TRPM3: variants seen among roughly 807,000 people sequenced by gnomAD.
TRPM3 encodes transient receptor potential cation channel subfamily M member 3, also known as long transient receptor potential channel 3.
A neutral mutation model predicts 181.2 loss-of-function variants in TRPM3; 77 were observed. The ratio of observed to expected loss-of-function variants is 0.42; its 90% confidence interval spans 0.35 to 0.51. The LOEUF (loss-of-function observed/expected upper bound fraction) is 0.51, where lower values mean the gene tolerates loss of function less well. Among genes scored for constraint, TRPM3 ranks in the 20% least tolerant of loss-of-function variants. The pLI, the probability that TRPM3 is intolerant of heterozygous loss-of-function variation, is 0.01. For synonymous variants in TRPM3, 745 were observed against 796.4 expected (o/e 0.94, Z 1.09); for missense variants, 1,759 against 2,196.7 (o/e 0.80, Z 3.98).
intron 9 of TRPM3, among the ~76,000 whole-genome samples, chr9:70,658,163 G>C (rs2060628972): frequency 6.6e-6 from 1 of 152,092 alleles, no homozygotes; most frequent in African/African-American, 2.4e-5. Context: ...TGTTTTATTA[G>C]GGCTTATTGT....
chr9:71,243,232 G>C (rs10868995), intron 1 of TRPM3, among the ~76,000 whole-genome samples: 46,608 of 152,050 alleles, frequency 0.31, 8,107 homozygotes, highest in African/African-American at 0.46. Context: ...AGTAAAGATT[G>C]GGTTTCACCA....
At chr9:70,561,044 C>T (rs1311018548) in intron 22 of TRPM3, among the ~76,000 whole-genome samples, 1 of 152,160 alleles carries the variant, frequency 6.6e-6, no homozygotes, top group African/African-American at 2.4e-5. Flanking sequence ...AAGGATATTT[C>T]TTGAAGAATG....
chr9:71,271,530 A>G (rs983495559), intron 1 of TRPM3, among the ~76,000 whole-genome samples: 1 of 152,000 alleles, frequency 6.6e-6, no homozygotes, highest in African/African-American at 2.4e-5. Context: ...GTGGTGGCTC[A>G]TCGGCCTCAG....
At chr9:70,800,819 A>C (rs1005482006) in intron 6 of TRPM3, among the ~76,000 whole-genome samples, 2 of 151,076 alleles carry the variant, frequency 1.3e-5, no homozygotes, top group Non-Finnish European at 3.0e-5. Context: ...TTTTTTTTTG[A>C]GAAGTCGAAA....
chr9:71,176,859 G>T (rs1158406774), intron 1 of TRPM3, among the ~76,000 whole-genome samples: 1 of 152,104 alleles, frequency 6.6e-6, no homozygotes, highest in Non-Finnish European at 1.5e-5. Context: ...ACCCAGTACT[G>T]TAACATGCTA....
At chr9:70,933,568 T>C (rs1330444367) in intron 1 of TRPM3, among the ~76,000 whole-genome samples, 1 of 151,922 alleles carries the variant, frequency 6.6e-6, no homozygotes, top group Non-Finnish European at 1.5e-5. Flanking sequence ...TGAAACCAGA[T>C]TGGAATGAGT....
intron 1 of TRPM3, among the ~76,000 whole-genome samples, chr9:70,954,695 CT>C (rs1352563995): frequency 6.6e-6 from 1 of 152,098 alleles, no homozygotes; most frequent in African/African-American, 2.4e-5. Context: ...TGGCTTATAA[CT>C]TTAGTCTTTT....
chr9:70,887,907 C>A (rs1046038645), intron 1 of TRPM3, among the ~76,000 whole-genome samples: 2 of 152,180 alleles, frequency 1.3e-5, no homozygotes, highest in East Asian at 1.9e-4. Flanking sequence ...ATAATGTCAA[C>A]AACTGTGCAA....
intron 1 of TRPM3, among the ~76,000 whole-genome samples, chr9:70,983,555 G>C (rs2097386868): frequency 3.3e-5 from 5 of 152,188 alleles, no homozygotes; most frequent in Non-Finnish European, 7.3e-5. Flanking sequence ...GAGCGTGCTA[G>C]AGCAAGGGAG....
chr9:70,903,419 C>A lies in TRPM3; in HGVS notation c.178-38908G>T, dbSNP rs551489593. On this transcript the variant is annotated intron_variant, in intron 1 of 25. Transcript: ENST00000677713. ...GGCGCCCCTACATGAACATTCTAGACCTCTTAAAGTGTGAATGGAGCTTCC... is the reference window on the plus strand; with the variant it reads ...GGCGCCCCTACATGAACATTCTAGAACTCTTAAAGTGTGAATGGAGCTTCC... Among the ~76,000 whole-genome samples the A allele has an allele frequency of 2.0e-5, 3 of 152,202 alleles. No individual in the cohort carries two copies. The South Asian group carries it at 6.2e-4, about 32-fold the overall frequency.
rs1012113851 is a variant in TRPM3 at position 71,436,834 on chromosome 9, T to C, written c.183+9819A>G. On this transcript the variant is annotated intron_variant, in intron 1 of 24. Coordinates refer to the TRPM3 transcript ENST00000357533. ...CTACAGAACTGAGATAATAAATACA[T>C]GTTACTTTCAGCCACTAAGTTTGTA... Among the ~76,000 whole-genome samples, 20 of 152,230 alleles carry C rather than the reference T, an allele frequency of 1.3e-4. 1 individual carries two copies. The highest frequency in any genetic ancestry group is 7.2e-5 in the African/African-American group (3 of 41,456).
intron 1 of TRPM3, among the ~76,000 whole-genome samples, chr9:70,927,745 G>A (rs1401454345): frequency 6.6e-6 from 1 of 152,102 alleles, no homozygotes; most frequent in African/African-American, 2.4e-5. Flanking sequence ...GGTAGGTCCT[G>A]CCGGCTGGGT....
chr9:71,374,924 T>C (rs903945876), intron 1 of TRPM3, among the ~76,000 whole-genome samples: 1 of 152,088 alleles, frequency 6.6e-6, no homozygotes, highest in Non-Finnish European at 1.5e-5. Flanking sequence ...TCCAAACCAC[T>C]ACTCAAAGAA....
chr9:71,123,555 G>C (rs989534116), upstream of TRPM3, among the ~76,000 whole-genome samples: 4 of 152,194 alleles, frequency 2.6e-5, no homozygotes, highest in African/African-American at 9.7e-5. Flanking sequence ...TGCTGATTCT[G>C]AGCTGGAAGC....
intron 1 of TRPM3, among the ~76,000 whole-genome samples, chr9:71,221,784 T>C (rs2080256552): frequency 6.6e-6 from 1 of 152,166 alleles, no homozygotes; most frequent in South Asian, 2.1e-4. Flanking sequence ...CCAGAGCCTA[T>C]GTGAGACAAA....
upstream of TRPM3, among the ~76,000 whole-genome samples, chr9:71,125,924 G>A (rs1424499108): frequency 6.6e-6 from 1 of 152,148 alleles, no homozygotes; most frequent in Non-Finnish European, 1.5e-5. Flanking sequence ...TATCATCAGA[G>A]TGAACAGACA....
intron 1 of TRPM3, among the ~76,000 whole-genome samples, chr9:71,003,553 A>C (rs2097639998): frequency 1.3e-5 from 2 of 152,192 alleles, no homozygotes; most frequent in Admixed American, 6.5e-5. Context: ...CTTTCCCATC[A>C]GCAATGTAGG....
intron 3 of TRPM3, among the ~76,000 whole-genome samples, chr9:70,856,832 A>G (rs1407587724): frequency 4.6e-5 from 7 of 152,216 alleles, no homozygotes; most frequent in Admixed American, 3.3e-4. Context: ...GAGAGGTTTA[A>G]ATATAAGTCC....
At chr9:70,823,936 A>G (rs982739468) in intron 6 of TRPM3, among the ~76,000 whole-genome samples, 1 of 152,230 alleles carries the variant, frequency 6.6e-6, no homozygotes, top group Non-Finnish European at 1.5e-5. Flanking sequence ...ATGATGTTTC[A>G]GTCCTGACTG....
Sources: allele counts gnomAD v4.1 joint callset (sites outside exome capture counted in the v4.1 genomes callset), GRCh38; gene constraint gnomAD v4.1.1; transcripts MANE v1.5; gene names NCBI Gene and HGNC (gene_info 2026-07-23, HGNC 2026-07-21).